FIG4: variants seen among roughly 807,000 people sequenced by gnomAD.
The protein encoded by FIG4 is FIG4 phosphoinositide 5-phosphatase, also known as polyphosphoinositide phosphatase.
FIG4 carries 112 observed loss-of-function variants against 118.6 expected under a neutral mutation model. The observed-to-expected ratio is 0.94, with a 90% CI of 0.81 to 1.11. The LOEUF is 1.11. Ranked by LOEUF, FIG4 falls within the 50% of genes least tolerant of loss-of-function variation. The probability of loss-of-function intolerance (pLI) is 0.00; values close to 1 mark genes in which losing one functional copy is unlikely to be tolerated. For missense variants in FIG4, 969 were observed against 1,111.7 expected, an observed-to-expected ratio of 0.87 and a Z score of 1.83; for synonymous variants, 369 against 381.2, an observed-to-expected ratio of 0.97 and a Z score of 0.37.
At chr6:109,820,415 C>T (rs1778972252) in intron 22 of FIG4, among the ~76,000 whole-genome samples, 1 of 152,158 alleles carries the variant, frequency 6.6e-6, no homozygotes, top group Admixed American at 6.5e-5. Context: ...CACCCGCACC[C>T]CCCAAGTCTC....
intron 1 of FIG4, among the ~76,000 whole-genome samples, chr6:109,712,450 A>G (rs1199479555): frequency 6.6e-6 from 1 of 151,874 alleles, no homozygotes; most frequent in East Asian, 1.9e-4. Context: ...ATACCTTTTC[A>G]TTCTTTTTTT....
At chr6:109,692,450 G>A (rs1348305009) in intron 1 of FIG4, among the ~76,000 whole-genome samples, 3 of 152,156 alleles carry the variant, frequency 2.0e-5, no homozygotes, top group Non-Finnish European at 2.9e-5. Flanking sequence ...CAGTTATAAC[G>A]TAGTCCTAAT....
chr6:109,737,612 T>C (rs1030393649), intron 6 of FIG4, among the ~76,000 whole-genome samples: 2 of 152,172 alleles, frequency 1.3e-5, no homozygotes, highest in Non-Finnish European at 2.9e-5. Flanking sequence ...TTACAGTCTT[T>C]TAAGCTATTA....
chr6:109,728,904 G>T (rs557141508), intron 4 of FIG4, among the ~76,000 whole-genome samples: 1 of 152,024 alleles, frequency 6.6e-6, no homozygotes, highest in Non-Finnish European at 1.5e-5. Flanking sequence ...ATGTTGTTGT[G>T]TACAGTGATT....
intron 11 of FIG4, among the ~76,000 whole-genome samples, chr6:109,761,883 G>A (rs1295334133): frequency 6.6e-6 from 1 of 152,150 alleles, no homozygotes; most frequent in East Asian, 1.9e-4. Context: ...CAGGTCTTTT[G>A]TGTCTCTTTC....
chr6:109,760,332 C>T lies in FIG4; in HGVS notation c.1220C>T (p.Pro407Leu), dbSNP rs769415369. The T allele has an allele frequency of 2.6e-5, 42 of 1,612,814 alleles. No individual in the cohort carries two copies. Among genetic ancestry groups the T allele is most frequent in the Non-Finnish European group, 3.2e-5 (38 of 1,178,952 alleles). ...ACCTATCTCAACCAATTTTTGCCTCCTGAGCACACTATTGTTTATATTCCC... is the reference window on the plus strand; with the variant it reads ...ACCTATCTCAACCAATTTTTGCCTCTTGAGCACACTATTGTTTATATTCCC... ...AVTYLNQFLPPEHTIVYIPWD... is the reference protein window; with the variant it reads ...AVTYLNQFLPLEHTIVYIPWD... The change falls in exon 11 of 23, where the codon CCT (proline) becomes CTT (leucine). Residue 407 changes from proline (P) to leucine (L), a missense_variant. Pro to Leu is a moderately conservative substitution (Grantham distance 98, BLOSUM62 -3). Coordinates refer to ENST00000230124, the MANE Select transcript of FIG4 (RefSeq NM_014845.6).
At chr6:109,785,822 A>G (rs1419945390) in intron 17 of FIG4, 1 of 415,984 alleles carries the variant, frequency 2.4e-6, no homozygotes, top group African/African-American at 2.1e-5. Flanking sequence ...TCATTTTGGA[A>G]GGTATTTGTA....
In FIG4 at chr6:109,748,975, A is replaced by T. The variant is rs538115701; in HGVS notation, c.1137+5203A>T. On this transcript the variant is annotated intron_variant, in intron 10 of 22. Coordinates refer to ENST00000230124, the MANE Select transcript of FIG4 (RefSeq NM_014845.6). ...ACACAGCCAAACCATATCACCCAGG[A>T]TGGAGGCAAAGCTTGGGGTGGGGAA... Among the ~76,000 whole-genome samples the T allele has an allele frequency of 1.1e-3, 173 of 151,782 alleles. 2 individuals are homozygous for T. The highest frequency in any genetic ancestry group is 3.4e-3 in the Middle Eastern group (1 of 294).
rs1470703929 is a variant in FIG4, at chr6:109,786,419, C to T, written c.2066C>T (p.Thr689Ile). 1.2e-6 allele frequency: 2 copies of T among 1,613,794 alleles called. No homozygotes were observed. The highest frequency in any genetic ancestry group is 1.3e-5 in the African/African-American group (1 of 74,898). The change falls in exon 18 of 23, where the codon ACC becomes ATC. Residue 689 changes from threonine to isoleucine, a missense_variant. Physicochemically the swap from Thr to Ile is moderately conservative, Grantham distance 89. Around this residue, in one of 3 missense-constraint regions of FIG4, gnomAD observed 330 missense variants for 348.1 expected, o/e 0.95. Transcript: ENST00000230124. The stretch of plus-strand genomic sequence containing the variant: ...TATGAGTTGAGCAGCTTTGATGATA[C>T]CTTTTGCTTGGCTATGACAAGCTCA... ...RPYELSSFDDTFCLAMTSSAR... is the reference protein window; with the variant it reads ...RPYELSSFDDIFCLAMTSSAR...
Position 109,796,769 on chromosome 6 carries a change from G to A in FIG4, c.2464G>A (p.Val822Ile). The A allele has an allele frequency of 6.2e-7, 1 of 1,602,206 alleles. No individual in the cohort carries two copies. ...EEDFSIYSRF[V>I]QLGQSQHKQD... The stretch of plus-strand genomic sequence containing the variant: ...CTTATCCATTGTAATTTGTAGATTT[G>A]TTCAGCTGGGGCAGAGTCAACATAA... The change falls in exon 22 of 23, where the codon GTT becomes ATT. Residue 822 changes from valine (V) to isoleucine (I), a missense_variant. By Grantham distance (29) the Val-to-Ile change is conservative. Coordinates refer to ENST00000230124, the MANE Select transcript of FIG4 (RefSeq NM_014845.6).
At chr6:109,778,851 G>A (rs977515752) in intron 16 of FIG4, among the ~76,000 whole-genome samples, 2 of 152,084 alleles carry the variant, frequency 1.3e-5, no homozygotes, top group Admixed American at 6.5e-5. Context: ...TGCCCGCCTT[G>A]GCCTCCCAAA....
chr6:109,803,417 G>T (rs1317646057), intron 22 of FIG4, among the ~76,000 whole-genome samples: 2 of 152,178 alleles, frequency 1.3e-5, no homozygotes, highest in Non-Finnish European at 1.5e-5. Flanking sequence ...TTATAGCTTG[G>T]TTGACCAGCT....
intron 15 of FIG4, among the ~76,000 whole-genome samples, chr6:109,767,440 A>C (rs1055020276): frequency 6.6e-6 from 1 of 152,246 alleles, no homozygotes; most frequent in Non-Finnish European, 1.5e-5. Flanking sequence ...TAGGTATCAC[A>C]GACCAAAGTG....
At chr6:109,822,145 G>A (rs1014226555) in intron 22 of FIG4, among the ~76,000 whole-genome samples, 1 of 152,170 alleles carries the variant, frequency 6.6e-6, no homozygotes, top group African/African-American at 2.4e-5. Context: ...ACATTTGAAC[G>A]ACAGTGTCTT....
chr6:109,775,677 G>A (rs1390882007), intron 15 of FIG4, among the ~76,000 whole-genome samples: 1 of 151,842 alleles, frequency 6.6e-6, no homozygotes. Context: ...AATGCTTGAT[G>A]TTTTCTCTCA....
chr6:109,754,279 A>G (rs1362367983), intron 10 of FIG4, among the ~76,000 whole-genome samples: 3 of 152,190 alleles, frequency 2.0e-5, no homozygotes, highest in Non-Finnish European at 4.4e-5. Context: ...CTTGCATCCC[A>G]GGGATGAAGC....
In FIG4 at chr6:109,825,409, A is replaced by G. The variant is rs1414144151; in HGVS notation, c.*144A>G. 3 of 714,884 alleles carry G rather than the reference A, an allele frequency of 4.2e-6. No individual in the cohort carries two copies. Among genetic ancestry groups the G allele is most frequent in the Non-Finnish European group, 7.3e-6 (3 of 408,688 alleles). The allele number at this position is 714,884 out of a possible 1,614,324, so 44.3% of individuals were successfully genotyped here. A position where few individuals can be genotyped will look rare whatever the true frequency, so the allele number is the denominator to read the frequency against. On this transcript the variant is annotated 3_prime_UTR_variant, in exon 23 of 23. Transcript: ENST00000230124. ...ACTTGCAAATTCCAAATTATAGCTA[A>G]TAAAGATGACTAGATAATTTGCTGT...
At position 109,791,465 on chromosome 6, in the gene FIG4, G is replaced by A; in HGVS notation, c.2270G>A (p.Ser757Asn). Residue 757 changes from serine to asparagine, a missense_variant, in exon 20 of 23, where the codon AGC becomes AAC. Transcript: ENST00000230124. Reference sequence around the variant, plus strand: ...CCCAGCGAGGAGGCTGTGTCCAGCAGCTCTGAGGATGACTCTGGGACTGAT... The same window carrying A: ...CCCAGCGAGGAGGCTGTGTCCAGCAACTCTGAGGATGACTCTGGGACTGAT... ...PPPSEEAVSS[S>N]SEDDSGTDRE... is the part of the protein sequence containing the mutation. 1 of 1,613,988 alleles carries A rather than the reference G, an allele frequency of 6.2e-7. No homozygotes were observed. Among genetic ancestry groups the A allele is most frequent in the Non-Finnish European group, 8.5e-7 (1 of 1,180,038 alleles).
chr6:109,729,542 ACAG>A (rs1299770906), intron 4 of FIG4, among the ~76,000 whole-genome samples: 1 of 152,208 alleles, frequency 6.6e-6, no homozygotes, highest in East Asian at 1.9e-4. Context: ...CATTATGCAA[ACAG>A]CATCATTTCC....
Sources: gnomAD v4.1 joint callset for allele counts (sites outside exome capture counted in the v4.1 genomes callset) on GRCh38, gnomAD v4.1.1 for gene constraint, gnomAD v4.1.1 regional missense constraint, MANE v1.5 for transcripts, NCBI Gene and HGNC (gene_info 2026-07-23, HGNC 2026-07-21) for gene names.